Variants in IQUB observed in about 807,000 individuals in gnomAD.
IQUB encodes the protein IQ motif and ubiquitin domain containing, also known as IQ motif and ubiquitin-like domain-containing protein.
IQUB carries 86 observed loss-of-function variants against 86.4 expected under a neutral mutation model. That is an observed-to-expected ratio of 1.00 (90% CI 0.84 to 1.19). The LOEUF (loss-of-function observed/expected upper bound fraction) is 1.19. IQUB is among the 50% of genes most tolerant of loss of function. IQUB has a pLI of 0.00. For missense variants in IQUB, 946 were observed against 916.9 expected (o/e 1.03, Z -0.41); for synonymous variants, 289 against 304.5 (o/e 0.95, Z 0.53).
intron 7 of IQUB, among the ~76,000 whole-genome samples, chr7:123,495,789 T>C (rs1795685878): frequency 6.6e-6 from 1 of 152,150 alleles, no homozygotes; most frequent in African/African-American, 2.4e-5. Flanking sequence ...CATTCATTCA[T>C]TCATTCATTT....
At chr7:123,454,250 T>C (rs536387165) in intron 12 of IQUB, among the ~76,000 whole-genome samples, 7 of 152,092 alleles carry the variant, frequency 4.6e-5, no homozygotes, top group African/African-American at 1.7e-4. Flanking sequence ...AACTTACACA[T>C]GTACAGAACT....
At position 123,500,472 on chromosome 7, in the gene IQUB, A is replaced by G. The variant is rs10259969; in HGVS notation, c.1023+2125T>C. Among the ~76,000 whole-genome samples the G allele has an allele frequency of 5.4e-3, 815 of 152,306 alleles. 4 individuals are homozygous for G. Among genetic ancestry groups the G allele is most frequent in the African/African-American group, 0.018 (756 of 41,576 alleles). On this transcript the variant is annotated intron_variant, in intron 6 of 12. Coordinates refer to ENST00000324698, the MANE Select transcript of IQUB (RefSeq NM_178827.5). The stretch of plus-strand genomic sequence containing the variant: ...TGAAATAGCAAGAATGAGTCCAAAA[A>G]TATCAGTAGTCACGCAAAATATCAT...
intron 7 of IQUB, among the ~76,000 whole-genome samples, chr7:123,494,165 G>T (rs998816879): frequency 3.3e-5 from 5 of 152,056 alleles, no homozygotes; most frequent in Admixed American, 6.6e-5. Flanking sequence ...CGATAAAAGA[G>T]ATCACCCTCA....
rs946672185 is a variant in IQUB at position 123,522,860 on chromosome 7, C to A, written c.-4-10516G>T. ...CAATGCTATCCCTCCCCCCTCCCCC[C>A]ACCCCACAACAGTCCCCAGAGTGTG... On this transcript the variant is annotated intron_variant, in intron 1 of 12. Transcript: ENST00000324698. 4.9e-5 allele frequency among the ~76,000 whole-genome samples: 6 copies of A among 122,690 alleles called. No individual in the cohort carries two copies. The East Asian group carries it at 1.5e-3, about 31-fold the overall frequency. The allele number at this position is 122,690 out of a possible 152,430, so 80.5% of individuals were successfully genotyped here.
At chr7:123,483,418 C>T (rs1795090502) in intron 7 of IQUB, among the ~76,000 whole-genome samples, 1 of 152,056 alleles carries the variant, frequency 6.6e-6, no homozygotes, top group African/African-American at 2.4e-5. Context: ...TCATGAACTA[C>T]ATCCTGGCCA....
intron 8 of IQUB, among the ~76,000 whole-genome samples, chr7:123,478,032 C>T (rs1385039256): frequency 2.6e-5 from 4 of 152,012 alleles, no homozygotes; most frequent in African/African-American, 9.7e-5. Flanking sequence ...GACAGTGTGG[C>T]GACTCCTCAA....
chr7:123,517,804 C>T (rs1468031879), intron 1 of IQUB, among the ~76,000 whole-genome samples: 1 of 152,112 alleles, frequency 6.6e-6, no homozygotes, highest in Non-Finnish European at 1.5e-5. Context: ...CATTGTCTTT[C>T]CTACAGCCAG....
chr7:123,493,732 TGTG>T (rs1562855206), intron 7 of IQUB, among the ~76,000 whole-genome samples: 4 of 10,608 alleles, frequency 3.8e-4, no homozygotes, highest in African/African-American at 5.4e-4. Flanking sequence ...TGTGTGTGTA[TGTG>T]TGTGTGTGTG....
intron 8 of IQUB, among the ~76,000 whole-genome samples, chr7:123,473,889 T>C (rs1032952303): frequency 5.9e-5 from 9 of 152,092 alleles, no homozygotes; most frequent in African/African-American, 1.9e-4. Context: ...CCAGCCAAGT[T>C]TTTAATATTT....
At chr7:123,457,175 G>T in intron 12 of IQUB, 1 of 970,184 alleles carries the variant, frequency 1.0e-6, no homozygotes, top group Non-Finnish European at 1.2e-6. Flanking sequence ...TTTAGGACTT[G>T]TAATATGTTC....
intron 1 of IQUB, among the ~76,000 whole-genome samples, chr7:123,524,537 T>G (rs1364733729): frequency 6.8e-6 from 1 of 147,722 alleles, no homozygotes; most frequent in Non-Finnish European, 1.5e-5. Flanking sequence ...TTGTGATTTT[T>G]GTACATTGAT....
At chr7:123,467,960 C>G (rs1323580891) in intron 9 of IQUB, among the ~76,000 whole-genome samples, 1 of 152,200 alleles carries the variant, frequency 6.6e-6, no homozygotes, top group Non-Finnish European at 1.5e-5. Context: ...GGCCAAGAGA[C>G]CTGCGGGCAA....
chr7:123,472,495 C>CT (rs774499721), intron 8 of IQUB, among the ~76,000 whole-genome samples: 10 of 152,062 alleles, frequency 6.6e-5, no homozygotes, highest in Non-Finnish European at 1.3e-4. Flanking sequence ...GATGAGTACG[C>CT]TTGATGACTG....
intron 12 of IQUB, 71 bp from the exon 13 acceptor site, chr7:123,452,996 C>T: frequency 8.6e-7 from 1 of 1,157,654 alleles, no homozygotes. Context: ...ACTGTCATGC[C>T]TCGGTGCCTT....
At chr7:123,515,070 G>A (rs1796581314) in intron 1 of IQUB, among the ~76,000 whole-genome samples, 1 of 151,854 alleles carries the variant, frequency 6.6e-6, no homozygotes, top group African/African-American at 2.4e-5. Context: ...AAAAAATCAA[G>A]AAACTTCTTC....
At chr7:123,521,733 G>A (rs1796915595) in intron 1 of IQUB, among the ~76,000 whole-genome samples, 1 of 151,598 alleles carries the variant, frequency 6.6e-6, no homozygotes, top group Non-Finnish European at 1.5e-5. Context: ...TAGTGCCTAA[G>A]GTTCATAGGT....
At chr7:123,496,573 T>C (rs1035975509) in intron 7 of IQUB, 123 bp downstream of exon 7, 30 of 575,684 alleles carry the variant, frequency 5.2e-5, no homozygotes, top group Non-Finnish European at 8.9e-5. Context: ...CAAAATTCTC[T>C]ACTGCAAATT....
At chr7:123,461,669 T>A in intron 10 of IQUB, 64 bp from the exon 11 acceptor site, 1 of 1,374,366 alleles carries the variant, frequency 7.3e-7, no homozygotes, top group Non-Finnish European at 9.6e-7. Flanking sequence ...AATATGATCC[T>A]AACCAATGGA....
chr7:123,484,414 T>A (rs1172134990), intron 7 of IQUB, among the ~76,000 whole-genome samples: 1 of 151,932 alleles, frequency 6.6e-6, no homozygotes, highest in Admixed American at 6.6e-5. Context: ...CAGAAATAAC[T>A]GAGACAATTT....
Sources: gnomAD v4.1 joint callset for allele counts (sites outside exome capture counted in the v4.1 genomes callset) on GRCh38, gnomAD v4.1.1 for gene constraint, MANE v1.5 for transcripts, NCBI Gene and HGNC (gene_info 2026-07-23, HGNC 2026-07-21) for gene names.